ITGAE: variants seen among roughly 807,000 people sequenced by gnomAD.
The protein encoded by ITGAE is integrin alpha-E.
Under a neutral mutation model 136.5 loss-of-function variants are expected in ITGAE, and 99 were observed. The observed-to-expected ratio is 0.73, with a 90% CI of 0.62 to 0.86. ITGAE has a LOEUF of 0.86. Among genes scored for constraint, ITGAE ranks in the 40% least tolerant of loss-of-function variants. The pLI is 0.00. For synonymous variants in ITGAE, 613 were observed against 591.8 expected (o/e 1.04, Z -0.52); for missense variants, 1,447 against 1,515.3 (o/e 0.95, Z 0.75).
chr17:3,724,158 C>T lies in ITGAE; in HGVS notation c.3085-414G>A, dbSNP rs1315630969. The T allele has an allele frequency of 1.3e-6, 2 of 1,594,570 alleles. No homozygotes were observed. The highest frequency in any genetic ancestry group is 1.7e-6 in the Non-Finnish European group (2 of 1,177,156). ...CGACGACCCCGACTTCCCCGGCAGCCCGGTGAGGCGGCGGCGGAGGCGTCC... is the reference window on the plus strand; with the variant it reads ...CGACGACCCCGACTTCCCCGGCAGCTCGGTGAGGCGGCGGCGGAGGCGTCC... On this transcript the variant is annotated intron_variant, in intron 26 of 30. Coordinates refer to ENST00000263087, the MANE Select transcript of ITGAE (RefSeq NM_002208.5).
Position 3,755,228 on chromosome 17 carries a change from C to CA in ITGAE, c.1272dup (p.Asp425Ter), listed in dbSNP as rs1267358585. On this transcript the variant is annotated frameshift_variant, in exon 12 of 31. Transcript: ENST00000263087. LOFTEE classifies it high-confidence loss of function. ...TAGAGCAACGCCCCTCCGGACCAGT[C>CA]AAAGGCCCCGACGGCGCCGAGCAGC... 4 of 1,574,358 alleles carry CA rather than the reference C, an allele frequency of 2.5e-6. No individual in the cohort carries two copies. Among genetic ancestry groups the CA allele is most frequent in the Non-Finnish European group, 3.4e-6 (4 of 1,165,986 alleles).
chr17:3,765,974 A>C (rs1030966305), intron 2 of ITGAE, among the ~76,000 whole-genome samples: 3 of 152,164 alleles, frequency 2.0e-5, no homozygotes, highest in Non-Finnish European at 4.4e-5. Context: ...AATCCCCAGA[A>C]CCTGTGAATA....
At chr17:3,767,716 C>T (rs1299476499) in intron 2 of ITGAE, among the ~76,000 whole-genome samples, 2 of 152,124 alleles carry the variant, frequency 1.3e-5, no homozygotes, top group African/African-American at 2.4e-5. Context: ...CTTGACCTCC[C>T]GGGCTCAGCA....
At chr17:3,786,939 T>C (rs1164573578) in intron 1 of ITGAE, among the ~76,000 whole-genome samples, 1 of 150,142 alleles carries the variant, frequency 6.7e-6, no homozygotes, top group Non-Finnish European at 1.5e-5. Flanking sequence ...GCAGAGTTCA[T>C]TTCGGAAATG....
chr17:3,775,958 A>G (rs909109894), intron 2 of ITGAE, among the ~76,000 whole-genome samples: 17 of 151,950 alleles, frequency 1.1e-4, no homozygotes, highest in African/African-American at 3.6e-4. Context: ...GGCAGATTTT[A>G]CATTTTGCTT....
At chr17:3,774,948 C>CT (rs1250511115) in intron 2 of ITGAE, among the ~76,000 whole-genome samples, 10 of 148,690 alleles carry the variant, frequency 6.7e-5, no homozygotes, top group South Asian at 2.1e-4. Context: ...TTACTTGCTT[C>CT]TTTTTTTTTT....
rs757934661 is a variant in ITGAE, at chr17:3,751,654, G to A, written c.1889C>T (p.Ser630Leu). ...GHWDGLSASP[S>L]QRIRASTVAP... The stretch of plus-strand genomic sequence containing the variant: ...GGAGAGGGCCCCATGGGTCACCTGC[G>A]AGGGGCTGGCGGAGAGGCCGTCCCA... Residue 630 changes from serine (S) to leucine (L), a missense_variant, in exon 15 of 31, where the codon TCG (serine) becomes TTG (leucine). This residue lies in a region of ITGAE where 1,031 missense variants were observed against 1,011.4 expected (regional missense o/e 1.02). Transcript: ENST00000263087. 1.2e-5 allele frequency: 19 copies of A among 1,613,344 alleles called. No homozygotes were observed. Among genetic ancestry groups the A allele is most frequent in the South Asian group, 4.4e-5 (4 of 91,068 alleles).
In ITGAE at chr17:3,723,311, T is replaced by C. The variant is rs1292396868; in HGVS notation, c.3214A>G (p.Ile1072Val). ...DKENVTVAAE[I>V]SWDHSEELLK... ...ACCTCCTCAGAGTGATCCCAGGAGA[T>C]CTCTGCAGCCACGGTGACATTTTCT... is the stretch of plus-strand genomic sequence containing the variant. Residue 1072 changes from isoleucine to valine, a missense_variant, in exon 28 of 31, where the codon ATC (isoleucine) becomes GTC (valine). By Grantham distance (29) the Ile-to-Val change is conservative (BLOSUM62 3). This residue lies in a region of ITGAE where 1,031 missense variants were observed against 1,011.4 expected (regional missense o/e 1.02). Transcript: ENST00000263087. 1 of 1,612,794 alleles carries C rather than the reference T, an allele frequency of 6.2e-7. No homozygotes were observed.
At chr17:3,761,549 C>T (rs2052170045) in intron 4 of ITGAE, 29 bp from the exon 5 acceptor site, 1 of 1,572,494 alleles carries the variant, frequency 6.4e-7, no homozygotes, top group Non-Finnish European at 8.7e-7. Flanking sequence ...GGTGGGGAAA[C>T]ACCAGGTCAC....
intron 18 of ITGAE, 138 bp from the exon 19 acceptor site, chr17:3,743,755 T>C: frequency 1.2e-6 from 1 of 859,308 alleles, no homozygotes; most frequent in South Asian, 1.8e-5. Flanking sequence ...CAGGCTGGAG[T>C]GCAGTGGCGT....
intron 24 of ITGAE, among the ~76,000 whole-genome samples, chr17:3,728,984 C>T (rs991612255): frequency 2.6e-5 from 4 of 151,062 alleles, no homozygotes; most frequent in South Asian, 4.2e-4. Flanking sequence ...TGCAGTGAGC[C>T]GAGATGGCAC....
At chr17:3,790,272 C>T (rs923759160) in intron 1 of ITGAE, among the ~76,000 whole-genome samples, 19 of 152,084 alleles carry the variant, frequency 1.2e-4, no homozygotes, top group Non-Finnish European at 1.0e-4. Flanking sequence ...TTTGGGAGGC[C>T]GACATGGGTG....
chr17:3,735,118 C>T (rs1478145239), intron 20 of ITGAE, among the ~76,000 whole-genome samples, 169 bp from the exon 21 acceptor site: 2 of 152,132 alleles, frequency 1.3e-5, no homozygotes, highest in Admixed American at 6.6e-5. Flanking sequence ...CTCAGCCTCC[C>T]GAGTAGCTGG....
intron 2 of ITGAE, among the ~76,000 whole-genome samples, chr17:3,767,612 C>T (rs2052330269): frequency 6.6e-6 from 1 of 152,088 alleles, no homozygotes; most frequent in African/African-American, 2.4e-5. Context: ...GTAATAGCCT[C>T]CTGTTATTTT....
chr17:3,801,167 G>T lies in ITGAE; in HGVS notation c.-23C>A. 1 of 1,609,174 alleles carries T rather than the reference G, an allele frequency of 6.2e-7. No individual in the cohort carries two copies. ...CATCCTTGCTGGAGCAGAGGCGGCT[G>T]TGTGGGAGCCGAGGCGAGTGCGACA... On this transcript the variant is annotated 5_prime_UTR_variant, in exon 1 of 31. Transcript: ENST00000263087.
chr17:3,755,201 C>T lies in ITGAE; in HGVS notation c.1300G>A (p.Asp434Asn), dbSNP rs763119524. 19 of 1,578,406 alleles carry T rather than the reference C, an allele frequency of 1.2e-5. No individual in the cohort carries two copies. Among genetic ancestry groups the T allele is most frequent in the East Asian group, 2.3e-5 (1 of 43,764 alleles). Residue 434 changes from aspartate (D) to asparagine (N), a missense_variant, in exon 12 of 31, where the codon GAC becomes AAC. This residue lies in a region of ITGAE where 1,031 missense variants were observed against 1,011.4 expected (regional missense o/e 1.02). Coordinates refer to ENST00000263087, the MANE Select transcript of ITGAE (RefSeq NM_002208.5). ...AAGCGGCCCCGGCGGCTGCGTGTGT[C>T]GTAGAGCAACGCCCCTCCGGACCAG... The part of the protein sequence containing the change: ...FDWSGGALLY[D>N]TRSRRGRFLN...
intron 11 of ITGAE, among the ~76,000 whole-genome samples, chr17:3,755,526 C>T (rs1273263395): frequency 6.6e-6 from 1 of 152,220 alleles, no homozygotes; most frequent in South Asian, 2.1e-4. Context: ...GTTGCCTGGT[C>T]TGTATTCAGG....
chr17:3,791,676 G>A (rs946984620), intron 1 of ITGAE, among the ~76,000 whole-genome samples: 17 of 152,108 alleles, frequency 1.1e-4, no homozygotes, highest in Non-Finnish European at 2.4e-4. Flanking sequence ...AAACATTAGC[G>A]TGCAAATGAG....
rs185509654 is a variant in ITGAE, at chr17:3,729,408, C to T, written c.2912+70G>A. 162 of 944,168 alleles carry T rather than the reference C, an allele frequency of 1.7e-4. No individual in the cohort carries two copies. In the African/African-American group the frequency reaches 2.0e-3, roughly 12 times the overall value. 58.5% of individuals were successfully genotyped at this position (944,168 alleles called of 1,614,324 possible). A position where few individuals can be genotyped will look rare whatever the true frequency, so the allele number is the denominator to read the frequency against. ...TCATCCTGACCACCAGCTCCATCTA[C>T]GAGAGAGAGCCCAAAGCTGCCCCCT... On this transcript the variant is annotated intron_variant, in intron 24 of 30. Transcript: ENST00000263087.
Sources: gnomAD v4.1 joint callset for allele counts (sites outside exome capture counted in the v4.1 genomes callset) on GRCh38, gnomAD v4.1.1 for gene constraint, gnomAD v4.1.1 regional missense constraint, MANE v1.5 for transcripts, NCBI Gene and HGNC (gene_info 2026-07-23, HGNC 2026-07-21) for gene names.